Variants in HAPLN3 observed in about 807,000 individuals in gnomAD.
HAPLN3 encodes the protein extracellular link domain containing, 1.
In HAPLN3, 28 loss-of-function variants were observed where a neutral mutation model predicts 28.1. The ratio of observed to expected loss-of-function variants is 1.00; its 90% CI spans 0.74 to 1.37. The LOEUF (loss-of-function observed/expected upper bound fraction) is 1.37, where lower values mean the gene tolerates loss of function less well. Among genes scored for constraint, HAPLN3 ranks in the 40% most tolerant of loss-of-function variants. The probability of loss-of-function intolerance (pLI) is 0.00; values close to 1 mark genes in which losing one functional copy is unlikely to be tolerated. For missense variants in HAPLN3, 513 were observed against 504.6 expected, an observed-to-expected ratio of 1.02 and a Z score of -0.16; for synonymous variants, 211 against 213.1, an observed-to-expected ratio of 0.99 and a Z score of 0.09.
At chr15:88,886,748 C>T (rs1897866968) in intron 2 of HAPLN3, among the ~76,000 whole-genome samples, 1 of 152,194 alleles carries the variant, frequency 6.6e-6, no homozygotes, top group Non-Finnish European at 1.5e-5. Flanking sequence ...TCGCTTGAAC[C>T]CGGGAGGCAG....
chr15:88,883,176 G>C (rs748450949), intron 2 of HAPLN3, among the ~76,000 whole-genome samples: 3 of 152,306 alleles, frequency 2.0e-5, no homozygotes, highest in Middle Eastern at 3.4e-3. Context: ...TGTGGCCCTC[G>C]GGCCAGCAGC....
intron 2 of HAPLN3, among the ~76,000 whole-genome samples, chr15:88,885,586 A>T (rs543964499): frequency 3.4e-4 from 51 of 151,222 alleles, no homozygotes; most frequent in Non-Finnish European, 6.9e-4. Context: ...GCCTCCTGAG[A>T]AGCTGGGATT....
At chr15:88,890,008 G>T (rs1477670227) in intron 1 of HAPLN3, among the ~76,000 whole-genome samples, 4 of 145,818 alleles carry the variant, frequency 2.7e-5, no homozygotes, top group African/African-American at 1.0e-4. Context: ...GAGGGAGGGA[G>T]GGAGGGAGGA....
In HAPLN3 at chr15:88,879,050, A is replaced by G; in HGVS notation, c.713T>C (p.Leu238Pro). The G allele has an allele frequency of 1.9e-6, 3 of 1,606,786 alleles. No individual in the cohort carries two copies. Among genetic ancestry groups the G allele is most frequent in the Non-Finnish European group, 1.7e-6 (2 of 1,177,096 alleles). Residue 238 changes from leucine (L) to proline (P), a missense_variant, in exon 4 of 5, where the codon CTG becomes CCG. By Grantham distance (98) the Leu-to-Pro change is moderately conservative. Transcript: ENST00000359595. The surrounding 1 kb of genome is among the most constrained non-coding windows in gnomAD (Gnocchi z 5.0). ...LPRQPCGGPG[L>P]APGVRSYGPR... Reference sequence around the variant, plus strand: ...GCCGTAGCTTCGCACGCCAGGTGCCAGGCCCGGGCCACCGCAGGGCTGCCG... The same window carrying G: ...GCCGTAGCTTCGCACGCCAGGTGCCGGGCCCGGGCCACCGCAGGGCTGCCG...
rs1897664339 is a variant in HAPLN3, at chr15:88,880,380, G to A, written c.493+977C>T. 4 of 1,131,080 alleles carry A rather than the reference G, an allele frequency of 3.5e-6. No homozygotes were observed. In the South Asian group the frequency reaches 5.7e-5, roughly 16 times the overall value. The allele number at this position is 1,131,080 out of a possible 1,614,324, so 70.1% of individuals were successfully genotyped here. A position where few individuals can be genotyped will look rare whatever the true frequency, so the allele number is the denominator to read the frequency against. The stretch of plus-strand genomic sequence containing the variant: ...TGTGGACACTGGTGGCAAAGACAGA[G>A]AACGCATTTTAAGGACATACATCTT... On this transcript the variant is annotated intron_variant, in intron 3 of 4. Coordinates refer to ENST00000359595, the MANE Select transcript of HAPLN3 (RefSeq NM_178232.4). This position sits in a 1 kb window ranked among gnomAD's most constrained non-coding sequence, Gnocchi z 6.0.
chr15:88,890,205 C>A (rs1330309918), intron 1 of HAPLN3, among the ~76,000 whole-genome samples: 2 of 152,180 alleles, frequency 1.3e-5, no homozygotes, highest in African/African-American at 4.8e-5. Flanking sequence ...GCCAAATCCA[C>A]CATTCCCTTA....
rs1426714128 is a variant in HAPLN3, at chr15:88,880,222, T to G, written c.494-953A>C. On this transcript the variant is annotated intron_variant, in intron 3 of 4. Coordinates refer to ENST00000359595, the MANE Select transcript of HAPLN3 (RefSeq NM_178232.4). This position sits in a 1 kb window ranked among gnomAD's most constrained non-coding sequence, Gnocchi z 6.0. ...AGCCCTTGAAGCCCCGGGAATGGGG[T>G]GAGGGCTCCCTGTTTCTCTAGGCTG... 3 of 998,012 alleles carry G rather than the reference T, an allele frequency of 3.0e-6. No homozygotes were observed. In the African/African-American group the frequency reaches 5.2e-5, roughly 17 times the overall value. The allele number at this position is 998,012 out of a possible 1,614,324, so 61.8% of individuals were successfully genotyped here. A position where few individuals can be genotyped will look rare whatever the true frequency, so the allele number is the denominator to read the frequency against.
At chr15:88,887,692 G>A (rs1897902528) in intron 1 of HAPLN3, among the ~76,000 whole-genome samples, 1 of 152,188 alleles carries the variant, frequency 6.6e-6, no homozygotes, top group Admixed American at 6.5e-5. Flanking sequence ...GGCTGGGCAT[G>A]GTGGCTCACG....
intron 1 of HAPLN3, among the ~76,000 whole-genome samples, chr15:88,890,439 T>C (rs150268463): frequency 1.5e-3 from 227 of 152,326 alleles, no homozygotes; most frequent in Non-Finnish European, 2.7e-3. Flanking sequence ...CCACCTCTAC[T>C]ATTTATTCAC....
chr15:88,878,918 C>T (rs1282803090), intron 4 of HAPLN3, 49 bp downstream of exon 4: 34 of 1,532,560 alleles, frequency 2.2e-5, no homozygotes, highest in Non-Finnish European at 2.6e-5. Context: ...TCTCACAGGT[C>T]CCAGGTGGCC....
chr15:88,881,027 A>G lies in HAPLN3; in HGVS notation c.493+330T>C. 2.8e-6 allele frequency: 1 copy of G among 359,468 alleles called. No individual in the cohort carries two copies. Among genetic ancestry groups the G allele is most frequent in the Non-Finnish European group, 5.1e-6 (1 of 195,616 alleles). 22.3% of individuals were successfully genotyped at this position (359,468 alleles called of 1,614,324 possible). ...CTTAAATCTCAGCTCTGTCTCTAAT[A>G]AGCTGTGGGACCAGCTCTGGTTTTC... On this transcript the variant is annotated intron_variant, in intron 3 of 4. Coordinates refer to ENST00000359595, the MANE Select transcript of HAPLN3 (RefSeq NM_178232.4). The surrounding 1 kb of genome is among the most constrained non-coding windows in gnomAD (Gnocchi z 6.0).
At chr15:88,894,206 G>T (rs535958800) in intron 1 of HAPLN3, among the ~76,000 whole-genome samples, 1 of 152,304 alleles carries the variant, frequency 6.6e-6, no homozygotes, top group East Asian at 1.9e-4. Context: ...AGGAAACTGA[G>T]GCCAAGAGAG....
chr15:88,893,311 G>GGGT (rs945387627), intron 1 of HAPLN3, among the ~76,000 whole-genome samples: 1 of 151,966 alleles, frequency 6.6e-6, no homozygotes, highest in Non-Finnish European at 1.5e-5. Context: ...CCAGCTACTG[G>GGGT]GGTGGCTAAG....
chr15:88,889,918 C>T (rs532824558), intron 1 of HAPLN3, among the ~76,000 whole-genome samples: 3 of 146,804 alleles, frequency 2.0e-5, no homozygotes, highest in Non-Finnish European at 4.5e-5. Flanking sequence ...TGTACAGGAC[C>T]CAGAAGATGA....
rs371405099 is a variant in HAPLN3 at position 88,878,070 on chromosome 15, G to A, written c.983C>T (p.Pro328Leu). The A allele has an allele frequency of 1.8e-5, 29 of 1,613,916 alleles. No individual in the cohort carries two copies. Among genetic ancestry groups the A allele is most frequent in the African/African-American group, 4.0e-5 (3 of 74,912 alleles). ...CTCTGGGGGCCCACAGTTAGGATGC[G>A]GGTGAACCACAGGGTAGCGGACGCT... ...DGSVRYPVVH[P>L]HPNCGPPEPG... is the part of the protein sequence containing the mutation. The change falls in exon 5 of 5, where the codon CCG (proline) becomes CTG (leucine). Residue 328 changes from proline to leucine, a missense_variant. Coordinates refer to ENST00000359595, the MANE Select transcript of HAPLN3 (RefSeq NM_178232.4).
At chr15:88,893,930 A>C (rs76280364) in intron 1 of HAPLN3, among the ~76,000 whole-genome samples, 2 of 36,810 alleles carry the variant, frequency 5.4e-5, no homozygotes, top group African/African-American at 5.2e-4. Context: ...CTCCATCTCA[A>C]AAAAAAAAAA....
rs145650819 is a variant in HAPLN3 at position 88,878,149 on chromosome 15, C to G, written c.904G>C (p.Ala302Pro). ...TIAKVGQLFA[A>P]WKFHGLDRCD... The stretch of plus-strand genomic sequence containing the variant: ...CGGTCCAGGCCATGGAACTTCCAGG[C>G]GGCAAAGAGCTGTCCCACCTTGGCG... The change falls in exon 5 of 5, where the codon GCC becomes CCC. Residue 302 changes from alanine (A) to proline (P), a missense_variant. Transcript: ENST00000359595. The G allele has an allele frequency of 8.7e-6, 14 of 1,614,156 alleles. No individual in the cohort carries two copies. The African/African-American group carries it at 1.7e-4, about 20-fold the overall frequency.
chr15:88,878,326 G>A, intron 4 of HAPLN3, 70 bp from the exon 5 acceptor site: 1 of 1,424,898 alleles, frequency 7.0e-7, no homozygotes, highest in Admixed American at 2.0e-5. Context: ...GGTCTGCAGA[G>A]ATGCCAGCCC....
chr15:88,877,912 G>T lies in HAPLN3; in HGVS notation c.*58C>A, dbSNP rs773254078. On this transcript the variant is annotated 3_prime_UTR_variant, in exon 5 of 5. Coordinates refer to ENST00000359595, the MANE Select transcript of HAPLN3 (RefSeq NM_178232.4). This position sits in a 1 kb window ranked among gnomAD's most constrained non-coding sequence, Gnocchi z 5.1. Reference sequence around the variant, plus strand: ...ATGGCTCCAACCCACAAGGGAAAACGAACCACTCAATAAATACACAGCCAG... The same window carrying T: ...ATGGCTCCAACCCACAAGGGAAAACTAACCACTCAATAAATACACAGCCAG... The T allele has an allele frequency of 6.7e-7, 1 of 1,488,526 alleles. No homozygotes were observed. Among genetic ancestry groups the T allele is most frequent in the South Asian group, 1.3e-5 (1 of 74,910 alleles). The allele number at this position is 1,488,526 out of a possible 1,614,324, so 92.2% of individuals were successfully genotyped here.
Sources: allele counts gnomAD v4.1 joint callset (sites outside exome capture counted in the v4.1 genomes callset), GRCh38; gene constraint gnomAD v4.1.1; non-coding constraint Gnocchi (gnomAD v3.1); transcripts MANE v1.5; gene names NCBI Gene and HGNC (gene_info 2026-07-23, HGNC 2026-07-21).